PCGF2: variants seen among roughly 807,000 people sequenced by gnomAD.
PCGF2 encodes polycomb group RING finger protein 2.
A neutral mutation model predicts 36.1 loss-of-function variants in PCGF2; 8 were observed. That is an observed-to-expected ratio of 0.22 (90% CI 0.13 to 0.40). The LOEUF is 0.40. Among genes scored for constraint, PCGF2 ranks in the 10% least tolerant of loss-of-function variants. The probability of loss-of-function intolerance (pLI) is 1.00; values close to 1 mark genes in which losing one functional copy is unlikely to be tolerated. For synonymous variants in PCGF2, 198 were observed against 191.2 expected, an observed-to-expected ratio of 1.04 and a Z score of -0.29; for missense variants, 436 against 475.9, an observed-to-expected ratio of 0.92 and a Z score of 0.78.
intron 2 of PCGF2, among the ~76,000 whole-genome samples, chr17:38,746,235 A>G (rs1907526433): frequency 6.6e-6 from 1 of 151,916 alleles, no homozygotes; most frequent in African/African-American, 2.4e-5. Context: ...TGCCAGATAC[A>G]CACACATACA....
At chr17:38,740,158 G>T in intron 3 of PCGF2, 133 bp downstream of exon 3, 1 of 745,316 alleles carries the variant, frequency 1.3e-6, no homozygotes, top group Non-Finnish European at 2.2e-6. Context: ...GTGACCTAAG[G>T]ATTCCCAGCA....
chr17:38,736,018 G>A (rs1016706415), intron 10 of PCGF2, 72 bp downstream of exon 10: 16 of 973,234 alleles, frequency 1.6e-5, no homozygotes, highest in Non-Finnish European at 2.6e-5. Flanking sequence ...CAGAAGGGTG[G>A]CCCATGTGGC....
chr17:38,739,746 C>A lies in PCGF2; in HGVS notation c.113-64G>T. ...CTTCCAACTCCAGGACCAGCCTCCC[C>A]GCCCTCTGCTCAGACTCAGATATCC... On this transcript the variant is annotated intron_variant, in intron 3 of 10. Transcript: ENST00000620225. This position sits in a 1 kb window ranked among gnomAD's most constrained non-coding sequence, Gnocchi z 4.0. 1 of 1,196,916 alleles carries A rather than the reference C, an allele frequency of 8.4e-7. No individual in the cohort carries two copies. The highest frequency in any genetic ancestry group is 1.3e-6 in the Non-Finnish European group (1 of 799,782). 74.1% of individuals were successfully genotyped at this position (1,196,916 alleles called of 1,614,324 possible).
intron 9 of PCGF2, 29 bp downstream of exon 9, chr17:38,738,324 C>T: frequency 4.5e-6 from 7 of 1,565,254 alleles, no homozygotes; most frequent in Non-Finnish European, 6.2e-6. Flanking sequence ...TACACAGACA[C>T]TCATTTTTTG....
At chr17:38,747,222 C>T (rs1206460483) in intron 2 of PCGF2, among the ~76,000 whole-genome samples, 1 of 152,036 alleles carries the variant, frequency 6.6e-6, no homozygotes, top group Non-Finnish European at 1.5e-5. Flanking sequence ...GCAGCCCGGG[C>T]CCACCGTGGA....
Position 38,735,478 on chromosome 17 carries a change from G to C in PCGF2, c.780C>G (p.Ser260Arg). 6.3e-7 allele frequency: 1 copy of C among 1,592,020 alleles called. No homozygotes were observed. Among genetic ancestry groups the C allele is most frequent in the South Asian group, 1.1e-5 (1 of 87,812 alleles). ...TSGASECESV[S>R]DKAPSPATLP... is the part of the protein sequence containing the mutation. The stretch of plus-strand genomic sequence containing the variant: ...GGGTGGCAGGGCTGGGAGCCTTGTC[G>C]CTGACTGACTCACACTCGGACGCCC... Residue 260 changes from serine (S) to arginine (R), a missense_variant, in exon 11 of 11, where the codon AGC becomes AGG. Physicochemically the swap from Ser to Arg is moderately radical, Grantham distance 110 (BLOSUM62 -1). This residue lies in a region of PCGF2 where 227 missense variants were observed against 212.9 expected (regional missense o/e 1.07). Coordinates refer to ENST00000620225, the MANE Select transcript of PCGF2 (RefSeq NM_007144.3).
chr17:38,749,659 G>T (rs537377034), upstream of PCGF2: 1 of 456,068 alleles, frequency 2.2e-6, no homozygotes, highest in South Asian at 1.5e-5. The surrounding 1 kb of genome is among the most constrained non-coding windows in gnomAD (Gnocchi z 6.5). Context: ...AGGAATCTTC[G>T]CCCAGTTTTG....
Position 38,739,025 on chromosome 17 carries a change from C to A in PCGF2, c.316+43G>T. On this transcript the variant is annotated intron_variant, in intron 6 of 10. Coordinates refer to ENST00000620225, the MANE Select transcript of PCGF2 (RefSeq NM_007144.3). The surrounding 1 kb of genome is among the most constrained non-coding windows in gnomAD (Gnocchi z 4.0). ...GTAGCGCTACACACCTACATGGTCC[C>A]AGGCAAGACTGTGCACACACAAACA... The A allele has an allele frequency of 1.9e-6, 3 of 1,608,954 alleles. No individual in the cohort carries two copies. Among genetic ancestry groups the A allele is most frequent in the Non-Finnish European group, 2.5e-6 (3 of 1,177,044 alleles).
intron 3 of PCGF2, among the ~76,000 whole-genome samples, chr17:38,740,023 C>T (rs1485449298): frequency 6.6e-6 from 1 of 152,198 alleles, no homozygotes; most frequent in African/African-American, 2.4e-5. Context: ...CAAGGGGTGT[C>T]CGCGTCTTCA....
chr17:38,746,905 G>C (rs1057369153), intron 2 of PCGF2, among the ~76,000 whole-genome samples: 1 of 152,224 alleles, frequency 6.6e-6, no homozygotes, highest in Non-Finnish European at 1.5e-5. Context: ...CCTTGGACCA[G>C]AGTGAAGGGG....
upstream of PCGF2, among the ~76,000 whole-genome samples, chr17:38,748,645 C>T (rs1253409060): frequency 2.0e-5 from 3 of 152,136 alleles, no homozygotes; most frequent in African/African-American, 7.2e-5. Context: ...AGCCCCCCTC[C>T]CTTCAAAATA....
At chr17:38,744,585 G>A (rs1216508785) in intron 2 of PCGF2, among the ~76,000 whole-genome samples, 3 of 152,046 alleles carry the variant, frequency 2.0e-5, no homozygotes, top group Non-Finnish European at 4.4e-5. Flanking sequence ...CCAACTCCTG[G>A]CCTCAAGTGA....
rs142427824 is a variant in PCGF2, at chr17:38,738,550, G to A, written c.471C>T (p.Asp157=). 8 of 1,599,140 alleles carry A rather than the reference G, an allele frequency of 5.0e-6. No homozygotes were observed. The African/African-American group carries it at 1.1e-4, about 21-fold the overall frequency. The change falls in exon 8 of 11, where the codon GAC becomes GAT. Residue 157 remains aspartate, a synonymous_variant. Coordinates refer to ENST00000620225, the MANE Select transcript of PCGF2 (RefSeq NM_007144.3). The part of the protein sequence containing the change: ...KKGPLENGDG[D]KEKTGVRFLR... ...AGGCCCCAGCACTCACTTTCTCTTT[G>A]TCCCCATCCCCATTCTCCAGGGGGC...
chr17:38,739,986 C>A lies in PCGF2; in HGVS notation c.113-304G>T, dbSNP rs996632139. ...GTTCAAGATGCCTCTGAGTCCCACCCCCCTGCTGCCAAGCCCACAGTGCAA... is the reference window on the plus strand; with the variant it reads ...GTTCAAGATGCCTCTGAGTCCCACCACCCTGCTGCCAAGCCCACAGTGCAA... On this transcript the variant is annotated intron_variant, in intron 3 of 10. Transcript: ENST00000620225. This position sits in a 1 kb window ranked among gnomAD's most constrained non-coding sequence, Gnocchi z 4.0. 6.6e-6 allele frequency among the ~76,000 whole-genome samples: 1 copy of A among 152,132 alleles called. No homozygotes were observed. The highest frequency in any genetic ancestry group is 1.5e-5 in the Non-Finnish European group (1 of 68,010).
At chr17:38,744,608 G>A (rs1055735300) in intron 2 of PCGF2, among the ~76,000 whole-genome samples, 16 of 152,002 alleles carry the variant, frequency 1.1e-4, no homozygotes, top group Non-Finnish European at 1.3e-4. Flanking sequence ...TGCCCGCCTC[G>A]GCCTCCCAAA....
Position 38,736,100 on chromosome 17 carries a change from G to T in PCGF2, c.647C>A (p.Pro216His). 1 of 1,578,422 alleles carries T rather than the reference G, an allele frequency of 6.3e-7. No homozygotes were observed. ...CACTCGCTGGCTCACCCGCCGCCAG[G>T]GGTAGATGTAGGCGATGTCCATGAG... ...YTLMDIAYIY[P>H]WRRNGPLPLK... Residue 216 changes from proline to histidine, a missense_variant, in exon 10 of 11, where the codon CCC becomes CAC. By Grantham distance (77) the Pro-to-His change is moderately conservative (BLOSUM62 -2). Coordinates refer to ENST00000620225, the MANE Select transcript of PCGF2 (RefSeq NM_007144.3).
At chr17:38,744,652 A>T (rs1907427642) in intron 2 of PCGF2, among the ~76,000 whole-genome samples, 7 of 151,934 alleles carry the variant, frequency 4.6e-5, no homozygotes, top group Admixed American at 4.6e-4. Flanking sequence ...CACCACACCC[A>T]GACCCATCTC....
In PCGF2 at chr17:38,739,297, A is replaced by G. The variant is rs762869680; in HGVS notation, c.210-44T>C. On this transcript the variant is annotated intron_variant, in intron 4 of 10. Transcript: ENST00000620225. This position sits in a 1 kb window ranked among gnomAD's most constrained non-coding sequence, Gnocchi z 4.0. ...GGCTTATCAGCAATGCCTTCTCCAG[A>G]GCGCTCCGACCTCGCCCTGCTCTCC... 2 of 1,572,684 alleles carry G rather than the reference A, an allele frequency of 1.3e-6. No homozygotes were observed. The highest frequency in any genetic ancestry group is 3.3e-5 in the Admixed American group (2 of 59,940).
upstream of PCGF2, chr17:38,748,466 T>C (rs541753611): frequency 4.6e-5 from 7 of 151,372 alleles, no homozygotes; most frequent in African/African-American, 1.4e-4. Context: ...CTCACCCACG[T>C]GACCTCATTC....
Sources: gnomAD v4.1 joint callset for allele counts (sites outside exome capture counted in the v4.1 genomes callset) on GRCh38, gnomAD v4.1.1 for gene constraint, gnomAD v4.1.1 regional missense constraint, Gnocchi (gnomAD v3.1) non-coding constraint, MANE v1.5 for transcripts, NCBI Gene and HGNC (gene_info 2026-07-23, HGNC 2026-07-21) for gene names.